The following VPS54 variants were observed in gnomAD, a reference collection of about 807,000 sequenced individuals.
The protein encoded by VPS54 is vacuolar protein sorting-associated protein 54.
A neutral mutation model predicts 121.5 loss-of-function variants in VPS54; 45 were observed. That is an observed-to-expected ratio of 0.37 (90% CI 0.29 to 0.47). The LOEUF (loss-of-function observed/expected upper bound fraction) is 0.47. Among genes scored for constraint, VPS54 ranks in the 20% least tolerant of loss-of-function variants. VPS54 has a pLI of 0.99. For missense variants in VPS54, 1,090 were observed against 1,131.4 expected (o/e 0.96, Z 0.52); for synonymous variants, 371 against 385.8 (o/e 0.96, Z 0.45).
chr2:63,957,770 C>G (rs1675570637), intron 7 of VPS54, among the ~76,000 whole-genome samples: 2 of 152,190 alleles, frequency 1.3e-5, no homozygotes, highest in South Asian at 4.1e-4. Context: ...ACTTTAATTA[C>G]AAATCATGAA....
intron 7 of VPS54, 83 bp downstream of exon 7, chr2:63,961,974 AT>A: frequency 1.5e-6 from 2 of 1,354,248 alleles, no homozygotes. Flanking sequence ...CTTTGAATAT[AT>A]TCACACTTTT....
At chr2:63,999,667 G>C (rs183488943) in intron 1 of VPS54, among the ~76,000 whole-genome samples, 1 of 152,040 alleles carries the variant, frequency 6.6e-6, no homozygotes, top group Non-Finnish European at 1.5e-5. Context: ...TTATTCCTTC[G>C]AATAAACTTT....
intron 20 of VPS54, among the ~76,000 whole-genome samples, chr2:63,903,063 C>T (rs1048305089): frequency 6.6e-6 from 1 of 151,748 alleles, no homozygotes; most frequent in African/African-American, 2.4e-5. Context: ...CTAATGAAAC[C>T]GAAATCTCAA....
intron 17 of VPS54, chr2:63,913,768 C>T: frequency 1.2e-6 from 1 of 850,158 alleles, no homozygotes; most frequent in Non-Finnish European, 1.4e-6. Flanking sequence ...ATAAAATCAT[C>T]ACATTTTCAT....
At chr2:63,948,640 A>G (rs1675101574) in intron 8 of VPS54, among the ~76,000 whole-genome samples, 1 of 152,018 alleles carries the variant, frequency 6.6e-6, no homozygotes, top group South Asian at 2.1e-4. Context: ...GGCTCAAGCA[A>G]TCTTCCCACC....
rs756670663 is a variant in VPS54 at position 63,981,650 on chromosome 2, G to C, written c.374C>G (p.Ser125Cys). 13 of 1,577,792 alleles carry C rather than the reference G, an allele frequency of 8.2e-6. No individual in the cohort carries two copies. Among genetic ancestry groups the C allele is most frequent in the Non-Finnish European group, 1.1e-5 (13 of 1,161,384 alleles). ...CTAGCCAAGATTAGATATTACCTGAGAGATTTCCTGTTGATATACTGTAAA... is the reference window on the plus strand; with the variant it reads ...CTAGCCAAGATTAGATATTACCTGACAGATTTCCTGTTGATATACTGTAAA... Reference protein sequence around the residue: ...EHFTVYQQEISQREKIHERCK... With the variant: ...EHFTVYQQEICQREKIHERCK... The change falls in exon 3 of 23, where the codon TCT becomes TGT. Residue 125 changes from serine (S) to cysteine (C), a missense_variant. By Grantham distance (112) the Ser-to-Cys change is moderately radical. Transcript: ENST00000272322.
chr2:64,000,201 G>C (rs1464416840), intron 1 of VPS54, among the ~76,000 whole-genome samples: 1 of 152,064 alleles, frequency 6.6e-6, no homozygotes, highest in Non-Finnish European at 1.5e-5. Flanking sequence ...TCTTCAGTAT[G>C]TCAATTGCAT....
intron 21 of VPS54, 43 bp downstream of exon 21, chr2:63,899,431 G>T: frequency 6.5e-7 from 1 of 1,539,624 alleles, no homozygotes; most frequent in Non-Finnish European, 8.9e-7. Flanking sequence ...TACAGATATT[G>T]TATGTTATAT....
intron 3 of VPS54, among the ~76,000 whole-genome samples, chr2:63,974,170 T>C (rs1038075855): frequency 6.6e-6 from 1 of 152,226 alleles, no homozygotes; most frequent in Non-Finnish European, 1.5e-5. Context: ...CTTTGGTATG[T>C]GGATGTATAG....
chr2:63,896,197 T>A (rs1449060694), intron 22 of VPS54, among the ~76,000 whole-genome samples: 2 of 152,224 alleles, frequency 1.3e-5, no homozygotes, highest in African/African-American at 4.8e-5. Flanking sequence ...TATGTTGGTA[T>A]AACGCTATTA....
intron 3 of VPS54, chr2:63,975,177 C>T: frequency 1.6e-6 from 1 of 645,152 alleles, no homozygotes; most frequent in South Asian, 2.8e-5. Flanking sequence ...TCCCAAGTAG[C>T]TGAAATCCCC....
chr2:63,908,008 TAA>T (rs1286627589), intron 20 of VPS54, among the ~76,000 whole-genome samples: 1 of 152,204 alleles, frequency 6.6e-6, no homozygotes, highest in East Asian at 1.9e-4. Context: ...CAGTTTCTTA[TAA>T]AGTTACCATA....
chr2:63,994,040 A>T (rs983785090), intron 1 of VPS54, among the ~76,000 whole-genome samples: 4 of 152,200 alleles, frequency 2.6e-5, no homozygotes, highest in Non-Finnish European at 5.9e-5. Flanking sequence ...CCACAGGGAA[A>T]AGACGTCCGC....
intron 14 of VPS54, 140 bp from the exon 15 acceptor site, chr2:63,920,135 C>A (rs1193753243): frequency 4.9e-6 from 3 of 614,394 alleles, no homozygotes; most frequent in Non-Finnish European, 8.0e-6. Flanking sequence ...AGGACCAATA[C>A]TTAGAAAATA....
Position 63,981,885 on chromosome 2 carries a change from C to T in VPS54, c.139G>A (p.Asp47Asn). ...GGGGCAACATATAAACTATGTGAAT[C>T]ACCTGCAAAAAGTAAACAAGAGAAC... Reference protein sequence around the residue: ...PDVCPKEPTGDSHSLYVAPSL... With the variant: ...PDVCPKEPTGNSHSLYVAPSL... The change falls in exon 3 of 23, where the codon GAT (aspartate) becomes AAT (asparagine). Residue 47 changes from aspartate to asparagine, a missense_variant and splice_region_variant. Physicochemically the swap from Asp to Asn is conservative, Grantham distance 23. This residue lies in a region of VPS54 where 801 missense variants were observed against 757.0 expected (regional missense o/e 1.06). Transcript: ENST00000272322. 6.2e-7 allele frequency: 1 copy of T among 1,606,706 alleles called. No individual in the cohort carries two copies. Among genetic ancestry groups the T allele is most frequent in the Non-Finnish European group, 8.5e-7 (1 of 1,176,826 alleles).
intron 12 of VPS54, among the ~76,000 whole-genome samples, chr2:63,931,479 C>A (rs1235265432): frequency 1.3e-5 from 2 of 152,142 alleles, no homozygotes; most frequent in Non-Finnish European, 2.9e-5. Context: ...TGGACCCCTT[C>A]CTTACACCAT....
chr2:64,008,439 G>A (rs1366105757), intron 1 of VPS54, among the ~76,000 whole-genome samples: 1 of 151,030 alleles, frequency 6.6e-6, no homozygotes, highest in Non-Finnish European at 1.5e-5. Context: ...GAACAAGTAA[G>A]TGGTGGAGAA....
chr2:63,913,176 A>T (rs1485114856), intron 18 of VPS54, 47 bp downstream of exon 18: 3 of 1,447,634 alleles, frequency 2.1e-6, no homozygotes, highest in Middle Eastern at 3.6e-4. Flanking sequence ...GAACAGTGAC[A>T]TCACTGTTAA....
intron 20 of VPS54, among the ~76,000 whole-genome samples, chr2:63,905,221 T>C (rs1224174594): frequency 1.3e-5 from 2 of 151,518 alleles, no homozygotes; most frequent in Admixed American, 6.6e-5. Flanking sequence ...AGCAGGAAAA[T>C]AAAAAGCAGA....
Sources: gnomAD v4.1 joint callset for allele counts (sites outside exome capture counted in the v4.1 genomes callset) on GRCh38, gnomAD v4.1.1 for gene constraint, gnomAD v4.1.1 regional missense constraint, MANE v1.5 for transcripts, NCBI Gene and HGNC (gene_info 2026-07-23, HGNC 2026-07-21) for gene names.